Variants in EEF1AKMT3 observed in about 807,000 individuals in gnomAD.
EEF1AKMT3 encodes the protein EEF1A lysine methyltransferase 3, also known as eEF1A-KMT3.
Under a neutral mutation model 17.8 loss-of-function variants are expected in EEF1AKMT3, and 17 were observed. The observed-to-expected ratio is 0.96, with a 90% CI of 0.65 to 1.43. The LOEUF (loss-of-function observed/expected upper bound fraction) is 1.43, where lower values mean the gene tolerates loss of function less well. EEF1AKMT3 is among the 40% of genes most tolerant of loss of function. The pLI is 0.00. For synonymous variants in EEF1AKMT3, 116 were observed against 126.5 expected (o/e 0.92, Z 0.56); for missense variants, 244 against 285.8 (o/e 0.85, Z 1.06).
chr12:57,780,205 C>T (rs1955503444), intron 2 of EEF1AKMT3, 50 bp from the exon 3 acceptor site: 1 of 1,599,516 alleles, frequency 6.3e-7, no homozygotes, highest in African/African-American at 1.4e-5. Flanking sequence ...GAGCCAAGAA[C>T]CCTTGGTTGG....
chr12:57,774,639 T>C (rs1227994507), intron 2 of EEF1AKMT3: 1 of 1,451,620 alleles, frequency 6.9e-7, no homozygotes, highest in Non-Finnish European at 9.7e-7. Flanking sequence ...GAGCTTATGG[T>C]CTAGTGAGGG....
In EEF1AKMT3 at chr12:57,780,581, C is replaced by G; in HGVS notation, c.616C>G (p.Gln206Glu). 5 of 1,613,620 alleles carry G rather than the reference C, an allele frequency of 3.1e-6. No individual in the cohort carries two copies. The highest frequency in any genetic ancestry group is 4.2e-6 in the Non-Finnish European group (5 of 1,180,014). ...CCAGCATTTCCAACTGGAGCTGGCT[C>G]AGCGGGATGAGGATGAAAATGTCAA... ...LPQHFQLELA[Q>E]RDEDENVNIY... The change falls in exon 3 of 3, where the codon CAG (glutamine) becomes GAG (glutamate). Residue 206 changes from glutamine to glutamate, a missense_variant. Physicochemically the swap from Gln to Glu is conservative, Grantham distance 29. Coordinates refer to ENST00000300209, the MANE Select transcript of EEF1AKMT3 (RefSeq NM_015433.3).
At chr12:57,780,184 C>T in intron 2 of EEF1AKMT3, 71 bp from the exon 3 acceptor site, 1 of 1,575,796 alleles carries the variant, frequency 6.3e-7, no homozygotes, top group East Asian at 2.2e-5. Context: ...GTCTCTGGAC[C>T]TTCCAGGCAG....
chr12:57,782,470 A>T lies in EEF1AKMT3; in HGVS notation c.*1824A>T. 2 of 296,764 alleles carry T rather than the reference A, an allele frequency of 6.7e-6. No homozygotes were observed. The highest frequency in any genetic ancestry group is 1.3e-5 in the Non-Finnish European group (2 of 157,574). 18.4% of individuals were successfully genotyped at this position (296,764 alleles called of 1,614,324 possible). A position where few individuals can be genotyped will look rare whatever the true frequency, so the allele number is the denominator to read the frequency against. On this transcript the variant is annotated 3_prime_UTR_variant, in exon 3 of 3. Coordinates refer to ENST00000300209, the MANE Select transcript of EEF1AKMT3 (RefSeq NM_015433.3). ...CTCGAACCCATTCACCAACCACACA[A>T]GTTTGTTGTGAGTCATAAATGGATA...
rs573677877 is a variant in EEF1AKMT3 at position 57,780,310 on chromosome 12, C to T, written c.345C>T (p.Asn115=). ...LPLALEQIQG[N]VQANVPAGGQ... ...TGGCCCTAGAACAGATCCAGGGCAACGTCCAGGCCAATGTGCCAGCTGGAG... is the reference window on the plus strand; with the variant it reads ...TGGCCCTAGAACAGATCCAGGGCAATGTCCAGGCCAATGTGCCAGCTGGAG... The change falls in exon 3 of 3, where the codon AAC becomes AAT. Residue 115 remains asparagine (N), a synonymous_variant. Transcript: ENST00000300209. 1.4e-5 allele frequency: 23 copies of T among 1,614,152 alleles called. No homozygotes were observed. The highest frequency in any genetic ancestry group is 4.5e-5 in the East Asian group (2 of 44,880).
chr12:57,772,662 C>T lies in EEF1AKMT3; in HGVS notation c.-63C>T. ...ACGGCTCGCGGCCCCCAGCCTCTAC[C>T]CCGCTCCGGATCCGGGATCTGAGCG... On this transcript the variant is annotated 5_prime_UTR_variant, in exon 1 of 3. Coordinates refer to ENST00000300209, the MANE Select transcript of EEF1AKMT3 (RefSeq NM_015433.3). The surrounding 1 kb of genome is among the most constrained non-coding windows in gnomAD (Gnocchi z 4.1). 6.6e-7 allele frequency: 1 copy of T among 1,524,298 alleles called. No homozygotes were observed. Among genetic ancestry groups the T allele is most frequent in the Non-Finnish European group, 8.8e-7 (1 of 1,134,682 alleles). 94.4% of individuals were successfully genotyped at this position (1,524,298 alleles called of 1,614,324 possible).
intron 2 of EEF1AKMT3, among the ~76,000 whole-genome samples, chr12:57,775,029 C>T (rs375402509): frequency 1.6e-3 from 237 of 145,586 alleles, no homozygotes; most frequent in African/African-American, 4.2e-3. Context: ...TGCTTGAACC[C>T]GGGAGGCGGA....
At chr12:57,777,880 G>T (rs370586509) in intron 2 of EEF1AKMT3, among the ~76,000 whole-genome samples, 6 of 152,094 alleles carry the variant, frequency 3.9e-5, no homozygotes, top group Non-Finnish European at 4.4e-5. Flanking sequence ...TTAGCCGGGC[G>T]TGGTGGCAGG....
At chr12:57,779,131 T>C (rs1955497212) in intron 2 of EEF1AKMT3, among the ~76,000 whole-genome samples, 2 of 152,166 alleles carry the variant, frequency 1.3e-5, no homozygotes, top group South Asian at 2.1e-4. Context: ...TAAAATTACA[T>C]TCAGGCTGCC....
rs140355349 is a variant in EEF1AKMT3, at chr12:57,780,311, G to C, written c.346G>C (p.Val116Leu). ...GGCCCTAGAACAGATCCAGGGCAAC[G>C]TCCAGGCCAATGTGCCAGCTGGAGG... Reference protein sequence around the residue: ...PLALEQIQGNVQANVPAGGQA... With the variant: ...PLALEQIQGNLQANVPAGGQA... Residue 116 changes from valine (V) to leucine (L), a missense_variant, in exon 3 of 3, where the codon GTC becomes CTC. Transcript: ENST00000300209. 9 of 1,614,014 alleles carry C rather than the reference G, an allele frequency of 5.6e-6. No homozygotes were observed. Among genetic ancestry groups the C allele is most frequent in the African/African-American group, 1.3e-5 (1 of 74,938 alleles).
At position 57,780,266 on chromosome 12, in the gene EEF1AKMT3, A is replaced by C. The variant is rs1595131206; in HGVS notation, c.301A>C (p.Thr101Pro). ...ILAALQGGDV[T>P]ITDLPLALEQ... ...TTCCTCTCTCTCAGGGGGGGATGTT[A>C]CCATCACTGACCTGCCCCTGGCCCT... The change falls in exon 3 of 3, where the codon ACC becomes CCC. Residue 101 changes from threonine (T) to proline (P), a missense_variant. Thr to Pro is a conservative substitution (Grantham distance 38). Transcript: ENST00000300209. 5 of 1,612,296 alleles carry C rather than the reference A, an allele frequency of 3.1e-6. No homozygotes were observed. Among genetic ancestry groups the C allele is most frequent in the Non-Finnish European group, 4.2e-6 (5 of 1,179,602 alleles).
Position 57,780,835 on chromosome 12 carries a change from A to G in EEF1AKMT3, c.*189A>G, listed in dbSNP as rs1465003215. 2.4e-5 allele frequency: 17 copies of G among 709,850 alleles called. No homozygotes were observed. Among genetic ancestry groups the G allele is most frequent in the Non-Finnish European group, 3.4e-5 (15 of 441,068 alleles). 44.0% of individuals were successfully genotyped at this position (709,850 alleles called of 1,614,324 possible). A position where few individuals can be genotyped will look rare whatever the true frequency, so the allele number is the denominator to read the frequency against. The stretch of plus-strand genomic sequence containing the variant: ...AGGTGCAGTGAGGTGCCTGCTTACA[A>G]GGAATCCCAGAGTTCTGGCAGCACT... On this transcript the variant is annotated 3_prime_UTR_variant, in exon 3 of 3. Transcript: ENST00000300209.
chr12:57,778,584 G>C (rs1955494599), intron 2 of EEF1AKMT3, among the ~76,000 whole-genome samples: 1 of 152,080 alleles, frequency 6.6e-6, no homozygotes, highest in Admixed American at 6.6e-5. Flanking sequence ...AGGGATTACA[G>C]GCGTGAGCCA....
Position 57,780,540 on chromosome 12 carries a change from T to C in EEF1AKMT3, c.575T>C (p.Phe192Ser), listed in dbSNP as rs372452619. The change falls in exon 3 of 3, where the codon TTT (phenylalanine) becomes TCT (serine). Residue 192 changes from phenylalanine (F) to serine (S), a missense_variant. Phe to Ser is a radical substitution (Grantham distance 155). Coordinates refer to ENST00000300209, the MANE Select transcript of EEF1AKMT3 (RefSeq NM_015433.3). ...AAGGAGCATGGGACAGAGAGCTTCT[T>C]TCAGCACCTCCTGCCCCAGCATTTC... ...MRKEHGTESFFQHLLPQHFQL... is the reference protein window; with the variant it reads ...MRKEHGTESFSQHLLPQHFQL... 1.5e-5 allele frequency: 25 copies of C among 1,614,086 alleles called. No homozygotes were observed. Among genetic ancestry groups the C allele is most frequent in the Non-Finnish European group, 1.9e-5 (22 of 1,180,004 alleles).
Position 57,772,917 on chromosome 12 carries a change from C to A in EEF1AKMT3, c.177+16C>A, listed in dbSNP as rs1955452428. ...GTGGGACGCGGTGAGGAATGGGCTGCGCCGGGTGAGGGTCCGTGGGAGGTC... is the reference window on the plus strand; with the variant it reads ...GTGGGACGCGGTGAGGAATGGGCTGAGCCGGGTGAGGGTCCGTGGGAGGTC... On this transcript the variant is annotated intron_variant, in intron 1 of 2. Coordinates refer to ENST00000300209, the MANE Select transcript of EEF1AKMT3 (RefSeq NM_015433.3). This position sits in a 1 kb window ranked among gnomAD's most constrained non-coding sequence, Gnocchi z 4.1. 2 of 1,613,282 alleles carry A rather than the reference C, an allele frequency of 1.2e-6. No homozygotes were observed. The highest frequency in any genetic ancestry group is 1.7e-6 in the Non-Finnish European group (2 of 1,179,542).
chr12:57,778,293 C>CTTT lies in EEF1AKMT3; in HGVS notation c.290-1949_290-1947dup, dbSNP rs56919999. Among the ~76,000 whole-genome samples, 5 of 43,998 alleles carry CTTT rather than the reference C, an allele frequency of 1.1e-4. 1 individual carries two copies. Among genetic ancestry groups the CTTT allele is most frequent in the African/African-American group, 3.2e-4 (4 of 12,336 alleles). The allele number at this position is 43,998 out of a possible 152,430, so 28.9% of individuals were successfully genotyped here. A position where few individuals can be genotyped will look rare whatever the true frequency, so the allele number is the denominator to read the frequency against. ...CCAAACACCCAGAAACCATCCTGAG[C>CTTT]TTTTTTTTTTTTTTTGAGACAGGTT... On this transcript the variant is annotated intron_variant, in intron 2 of 2. Coordinates refer to ENST00000300209, the MANE Select transcript of EEF1AKMT3 (RefSeq NM_015433.3).
At chr12:57,778,712 T>C (rs995235468) in intron 2 of EEF1AKMT3, among the ~76,000 whole-genome samples, 8 of 152,142 alleles carry the variant, frequency 5.3e-5, no homozygotes, top group Non-Finnish European at 1.0e-4. Context: ...TTCTTAGCCA[T>C]TGCTACTGCC....
At chr12:57,777,757 C>T (rs930937254) in intron 2 of EEF1AKMT3, among the ~76,000 whole-genome samples, 2 of 152,158 alleles carry the variant, frequency 1.3e-5, no homozygotes, top group Non-Finnish European at 2.9e-5. Context: ...CGGTGGCTTA[C>T]GCCTGTAATC....
chr12:57,772,655 C>G lies in EEF1AKMT3; in HGVS notation c.-70C>G. The G allele has an allele frequency of 6.6e-7, 1 of 1,505,178 alleles. No homozygotes were observed. The highest frequency in any genetic ancestry group is 1.3e-5 in the South Asian group (1 of 76,786). The allele number at this position is 1,505,178 out of a possible 1,614,324, so 93.2% of individuals were successfully genotyped here. On this transcript the variant is annotated 5_prime_UTR_variant, in exon 1 of 3. Transcript: ENST00000300209. The surrounding 1 kb of genome is among the most constrained non-coding windows in gnomAD (Gnocchi z 4.1). ...CACCACGACGGCTCGCGGCCCCCAG[C>G]CTCTACCCCGCTCCGGATCCGGGAT...
Sources: allele counts gnomAD v4.1 joint callset (sites outside exome capture counted in the v4.1 genomes callset), GRCh38; gene constraint gnomAD v4.1.1; non-coding constraint Gnocchi (gnomAD v3.1); transcripts MANE v1.5; gene names NCBI Gene and HGNC (gene_info 2026-07-23, HGNC 2026-07-21).